The following GAB2 variants were observed in gnomAD, a reference collection of about 807,000 sequenced individuals.
The protein encoded by GAB2 is GRB2-associated-binding protein 2.
GAB2 carries 26 observed loss-of-function variants against 65.5 expected under a neutral mutation model. The ratio of observed to expected loss-of-function variants is 0.40; its 90% CI spans 0.29 to 0.55. GAB2 has a LOEUF of 0.55. Among genes scored for constraint, GAB2 ranks in the 20% least tolerant of loss-of-function variants. The pLI, the probability that GAB2 is intolerant of heterozygous loss-of-function variation, is 0.53. For missense variants in GAB2, 884 were observed against 875.8 expected (o/e 1.01, Z -0.12); for synonymous variants, 321 against 329.6 (o/e 0.97, Z 0.28).
chr11:78,216,066 A>C lies in GAB2; in HGVS notation c.*3206T>G, dbSNP rs1426147530. ...GTACTGCCCACCCCAATCCCCCAGAAAGAAGTTACAGAGGAGGGAGTCTCC... is the reference window on the plus strand; with the variant it reads ...GTACTGCCCACCCCAATCCCCCAGACAGAAGTTACAGAGGAGGGAGTCTCC... On this transcript the variant is annotated 3_prime_UTR_variant, in exon 10 of 10. Transcript: ENST00000361507. The C allele has an allele frequency of 1.3e-5, 2 of 152,654 alleles. No individual in the cohort carries two copies. Among genetic ancestry groups the C allele is most frequent in the African/African-American group, 4.8e-5 (2 of 41,444 alleles). 9.5% of individuals were successfully genotyped at this position (152,654 alleles called of 1,614,324 possible).
chr11:78,360,740 T>A (rs574619751), intron 1 of GAB2, among the ~76,000 whole-genome samples: 1 of 152,130 alleles, frequency 6.6e-6, no homozygotes, highest in South Asian at 2.1e-4. Flanking sequence ...TCCCTGTTAA[T>A]CCCAGCTACT....
At chr11:78,407,670 A>T (rs1035278192) in intron 1 of GAB2, among the ~76,000 whole-genome samples, 2 of 141,276 alleles carry the variant, frequency 1.4e-5, no homozygotes, top group African/African-American at 6.2e-5. Context: ...AGAAAGAAAG[A>T]AAGAAAGAAA....
intron 3 of GAB2, among the ~76,000 whole-genome samples, chr11:78,239,592 C>T (rs1012175883): frequency 1.3e-5 from 2 of 152,106 alleles, no homozygotes; most frequent in African/African-American, 4.8e-5. Context: ...AACAGAAACT[C>T]GATGAACCAG....
chr11:78,242,654 A>C (rs1590959496), intron 3 of GAB2, among the ~76,000 whole-genome samples: 1 of 152,350 alleles, frequency 6.6e-6, no homozygotes, highest in East Asian at 1.9e-4. Flanking sequence ...AAAGTAGAAA[A>C]TTTTCAAATA....
Position 78,406,239 on chromosome 11 carries a change from C to T in GAB2, c.75+11407G>A, listed in dbSNP as rs542786440. On this transcript the variant is annotated intron_variant, in intron 1 of 9. Coordinates refer to ENST00000361507, the MANE Select transcript of GAB2 (RefSeq NM_080491.3). ...GTGTCAATGGAGGTGGAATGAAAAA[C>T]CTGGACTTCAACTTCTACTTGAAAG... is the stretch of plus-strand genomic sequence containing the variant. Among the ~76,000 whole-genome samples, 4 of 152,326 alleles carry T rather than the reference C, an allele frequency of 2.6e-5. No individual in the cohort carries two copies. In the South Asian group the frequency reaches 8.3e-4, roughly 32 times the overall value.
chr11:78,338,624 A>G (rs1475975911), intron 1 of GAB2, among the ~76,000 whole-genome samples: 3 of 152,208 alleles, frequency 2.0e-5, no homozygotes, highest in African/African-American at 7.2e-5. Context: ...ACAGAATTCA[A>G]TCCCATTTCT....
intron 1 of GAB2, among the ~76,000 whole-genome samples, chr11:78,412,705 T>C (rs980209011): frequency 6.6e-6 from 1 of 152,242 alleles, no homozygotes; most frequent in Non-Finnish European, 1.5e-5. Context: ...GATGTGCATG[T>C]AGAATTACCT....
At chr11:78,344,067 C>A (rs1856143161) in intron 1 of GAB2, among the ~76,000 whole-genome samples, 1 of 152,098 alleles carries the variant, frequency 6.6e-6, no homozygotes, top group Admixed American at 6.5e-5. Flanking sequence ...TTTAGATATG[C>A]AAGGAGTTAC....
chr11:78,304,492 G>C (rs1466221215), intron 1 of GAB2, among the ~76,000 whole-genome samples: 1 of 152,206 alleles, frequency 6.6e-6, no homozygotes, highest in East Asian at 1.9e-4. Flanking sequence ...CCCAAGGCAA[G>C]AATCTAGAGT....
chr11:78,343,952 C>A lies in GAB2; in HGVS notation c.76-63051G>T, dbSNP rs1346908244. 2.6e-5 allele frequency among the ~76,000 whole-genome samples: 4 copies of A among 151,870 alleles called. No homozygotes were observed. The East Asian group carries it at 5.8e-4, about 22-fold the overall frequency. On this transcript the variant is annotated intron_variant, in intron 1 of 9. Transcript: ENST00000361507. ...GACCAGGTAGCCAGAAGGTACCATA[C>A]TGAATAGCACAGAATTAGACAACAA... is the stretch of plus-strand genomic sequence containing the variant.
chr11:78,279,636 C>T (rs1866276166), intron 2 of GAB2, among the ~76,000 whole-genome samples: 1 of 152,124 alleles, frequency 6.6e-6, no homozygotes, highest in Non-Finnish European at 1.5e-5. Context: ...CTCTCAGTCA[C>T]CACCAATGTA....
intron 1 of GAB2, among the ~76,000 whole-genome samples, chr11:78,294,067 G>A (rs746440248): frequency 3.9e-5 from 6 of 151,954 alleles, no homozygotes; most frequent in South Asian, 2.1e-4. Flanking sequence ...TCCCCTCCCC[G>A]CTCCCTCCAC....
At chr11:78,396,553 T>A (rs1856897210) in intron 1 of GAB2, among the ~76,000 whole-genome samples, 1 of 152,224 alleles carries the variant, frequency 6.6e-6, no homozygotes, top group Admixed American at 6.5e-5. Flanking sequence ...AGAAACTCTG[T>A]GGCCATTAAA....
intron 1 of GAB2, among the ~76,000 whole-genome samples, chr11:78,306,212 C>G (rs1448423362): frequency 6.6e-6 from 1 of 152,070 alleles, no homozygotes; most frequent in Admixed American, 6.6e-5. Context: ...AATCTAGAAC[C>G]TATATACTTT....
At chr11:78,246,538 G>T (rs1865302611) in intron 3 of GAB2, among the ~76,000 whole-genome samples, 2 of 152,040 alleles carry the variant, frequency 1.3e-5, no homozygotes, top group African/African-American at 4.8e-5. Context: ...TCACTCAGTT[G>T]CCCAGGCTGG....
chr11:78,296,405 A>T (rs10899458), intron 1 of GAB2, among the ~76,000 whole-genome samples: 23,856 of 152,246 alleles, frequency 0.16, 2,426 homozygotes, highest in East Asian at 0.4. Flanking sequence ...GACTGAACTC[A>T]TGGCTAACAG....
chr11:78,233,057 G>A (rs372699920), intron 3 of GAB2, among the ~76,000 whole-genome samples: 1 of 63,234 alleles, frequency 1.6e-5, no homozygotes, highest in African/African-American at 8.8e-5. Flanking sequence ...TTTTTTTTTT[G>A]GTGACAAGGT....
At chr11:78,316,947 T>A (rs541959178) in intron 1 of GAB2, among the ~76,000 whole-genome samples, 174 of 152,280 alleles carry the variant, frequency 1.1e-3, no homozygotes, top group African/African-American at 3.9e-3. Context: ...TGGAATACTA[T>A]TCAGCCTTAA....
intron 1 of GAB2, among the ~76,000 whole-genome samples, chr11:78,384,501 G>T (rs1199146908): frequency 6.6e-6 from 1 of 152,212 alleles, no homozygotes; most frequent in Non-Finnish European, 1.5e-5. Context: ...AGCACTTCCT[G>T]ACCATCCTGC....
Sources: allele counts gnomAD v4.1 joint callset (sites outside exome capture counted in the v4.1 genomes callset), GRCh38; gene constraint gnomAD v4.1.1; transcripts MANE v1.5; gene names NCBI Gene and HGNC (gene_info 2026-07-23, HGNC 2026-07-21).